The following LINGO1 variants were observed in gnomAD, a reference collection of about 807,000 sequenced individuals.
LINGO1 encodes leucine rich repeat and Ig domain containing 1, also known as leucine-rich repeat and immunoglobulin-like domain-containing nogo receptor-interacting protein 1.
A neutral mutation model predicts 37.3 loss-of-function variants in LINGO1; 11 were observed. That is an observed-to-expected ratio of 0.29 (90% confidence interval 0.19 to 0.49). The LOEUF (loss-of-function observed/expected upper bound fraction) is 0.49, where lower values mean the gene tolerates loss of function less well. Ranked by LOEUF, LINGO1 falls within the 20% of genes least tolerant of loss-of-function variation. LINGO1 has a pLI of 0.99. For synonymous variants in LINGO1, 387 were observed against 403.0 expected, an observed-to-expected ratio of 0.96 and a Z score of 0.48; for missense variants, 585 against 878.2, an observed-to-expected ratio of 0.67 and a Z score of 4.22.
chr15:77,669,441 T>C (rs1023354353), intron 3 of LINGO1, among the ~76,000 whole-genome samples: 1 of 152,028 alleles, frequency 6.6e-6, no homozygotes, highest in Non-Finnish European at 1.5e-5. Context: ...GTGTTTGTAG[T>C]CCCCTGAGTG....
chr15:77,657,213 C>A (rs145708311), intron 3 of LINGO1, among the ~76,000 whole-genome samples: 10 of 152,256 alleles, frequency 6.6e-5, no homozygotes, highest in African/African-American at 1.4e-4. Flanking sequence ...GACAGGGATG[C>A]CTGGGTCCCT....
intron 1 of LINGO1, among the ~76,000 whole-genome samples, chr15:77,777,456 TACACACACGCAC>T (rs1183564401): frequency 1.0e-4 from 7 of 68,304 alleles, no homozygotes; most frequent in African/African-American, 2.5e-4. Flanking sequence ...TTTGGACATA[TACACACACGCAC>T]ACACACACAC....
chr15:77,807,547 G>A (rs2076970198), intron 1 of LINGO1, among the ~76,000 whole-genome samples: 1 of 152,116 alleles, frequency 6.6e-6, no homozygotes, highest in Non-Finnish European at 1.5e-5. Context: ...GGCGCAAAGA[G>A]GCAAAAATGC....
intron 1 of LINGO1, among the ~76,000 whole-genome samples, chr15:77,753,115 G>A (rs2141369825): frequency 6.6e-6 from 1 of 152,342 alleles, no homozygotes; most frequent in Admixed American, 6.5e-5. Context: ...TGTTTCATGG[G>A]TCCCGCGTGC....
At chr15:77,803,143 C>G (rs548051555) in intron 1 of LINGO1, among the ~76,000 whole-genome samples, 1 of 152,224 alleles carries the variant, frequency 6.6e-6, no homozygotes, top group African/African-American at 2.4e-5. Context: ...GTACACCCAC[C>G]CTGTGCTCAC....
intron 3 of LINGO1, among the ~76,000 whole-genome samples, chr15:77,668,812 C>CAT (rs1169729024): frequency 5.1e-4 from 77 of 151,698 alleles, no homozygotes; most frequent in African/African-American, 1.6e-3. Flanking sequence ...CACACACACA[C>CAT]ACACACACAC....
intron 1 of LINGO1, among the ~76,000 whole-genome samples, chr15:77,761,330 A>C (rs976222110): frequency 6.6e-6 from 1 of 152,184 alleles, no homozygotes; most frequent in Non-Finnish European, 1.5e-5. Flanking sequence ...TTGTGAACAC[A>C]ATGCAAATTG....
chr15:77,667,257 A>G (rs2075151260), intron 3 of LINGO1, among the ~76,000 whole-genome samples: 1 of 152,032 alleles, frequency 6.6e-6, no homozygotes, highest in Non-Finnish European at 1.5e-5. Context: ...CCACTGGAGG[A>G]GCAGAGCATA....
At chr15:77,714,142 C>T (rs1413564670) in intron 2 of LINGO1, among the ~76,000 whole-genome samples, 1 of 152,182 alleles carries the variant, frequency 6.6e-6, no homozygotes, top group African/African-American at 2.4e-5. Flanking sequence ...TGCACCTCCA[C>T]ATCTCAGAGG....
At chr15:77,694,610 T>C (rs2075658923) in intron 1 of LINGO1, among the ~76,000 whole-genome samples, 1 of 152,180 alleles carries the variant, frequency 6.6e-6, no homozygotes, top group African/African-American at 2.4e-5. Flanking sequence ...GGTCTCAGCC[T>C]AGAAGATTTC....
At chr15:77,681,010 C>T (rs1210077220) in intron 2 of LINGO1, among the ~76,000 whole-genome samples, 1 of 152,162 alleles carries the variant, frequency 6.6e-6, no homozygotes, top group Non-Finnish European at 1.5e-5. Flanking sequence ...TTGATAAACG[C>T]CCCTGCGACT....
intron 1 of LINGO1, among the ~76,000 whole-genome samples, chr15:77,759,992 A>C (rs1413600473): frequency 6.6e-6 from 1 of 152,224 alleles, no homozygotes; most frequent in Non-Finnish European, 1.5e-5. Context: ...TGGCCCGGAA[A>C]TAAACTGCCA....
intron 3 of LINGO1, among the ~76,000 whole-genome samples, chr15:77,653,197 C>T (rs1366745947): frequency 2.0e-5 from 3 of 152,210 alleles, no homozygotes; most frequent in Admixed American, 2.0e-4. Flanking sequence ...CTCTGGATTC[C>T]AGGGGTCTTG....
At chr15:77,640,827 C>CTCATTCATTCATTCAT (rs55914213) in intron 3 of LINGO1, among the ~76,000 whole-genome samples, 109 of 150,598 alleles carry the variant, frequency 7.2e-4, no homozygotes, top group Middle Eastern at 3.4e-3. Flanking sequence ...CATTCATCTC[C>CTCATTCATTCATTCAT]TCATTCATTC....
At chr15:77,806,386 C>T (rs1445527569) in intron 1 of LINGO1, among the ~76,000 whole-genome samples, 2 of 152,098 alleles carry the variant, frequency 1.3e-5, no homozygotes, top group East Asian at 1.9e-4. Context: ...GGAGGAGAGG[C>T]GAGGAAGAGG....
upstream of LINGO1, among the ~76,000 whole-genome samples, chr15:77,634,542 T>G (rs1885347325): frequency 6.6e-6 from 1 of 152,136 alleles, no homozygotes; most frequent in Non-Finnish European, 1.5e-5. Flanking sequence ...TTCCAGGCTC[T>G]GCCCATGGTC....
At chr15:77,630,779 G>A (rs539405581) in intron 1 of LINGO1, among the ~76,000 whole-genome samples, 7 of 152,174 alleles carry the variant, frequency 4.6e-5, no homozygotes, top group East Asian at 1.9e-4. Context: ...CCCTGCCTTC[G>A]CTAAGCCCCT....
chr15:77,711,666 C>T (rs2075919154), intron 2 of LINGO1, among the ~76,000 whole-genome samples: 1 of 152,206 alleles, frequency 6.6e-6, no homozygotes, highest in Non-Finnish European at 1.5e-5. Context: ...TCCTCACATC[C>T]ACCTTGGGAG....
rs774831720 is a variant in LINGO1, at chr15:77,614,946, C to T, written c.961G>A (p.Gly321Arg). 6 of 1,613,820 alleles carry T rather than the reference C, an allele frequency of 3.7e-6. No homozygotes were observed. Among genetic ancestry groups the T allele is most frequent in the East Asian group, 2.2e-5 (1 of 44,842 alleles). Residue 321 changes from glycine (G) to arginine (R), a missense_variant, in exon 2 of 2, where the codon GGG becomes AGG. Physicochemically the swap from Gly to Arg is moderately radical, Grantham distance 125. Coordinates refer to ENST00000355300, the MANE Select transcript of LINGO1 (RefSeq NM_032808.7). ...LRLQEIQLVG[G>R]QLAVVEPYAF... The stretch of plus-strand genomic sequence containing the variant: ...TAGGGCTCCACCACGGCCAGCTGCC[C>T]GCCCACCAGCTGGATCTCCTGCAGC...
Sources: allele counts gnomAD v4.1 joint callset (sites outside exome capture counted in the v4.1 genomes callset), GRCh38; gene constraint gnomAD v4.1.1; transcripts MANE v1.5; gene names NCBI Gene and HGNC (gene_info 2026-07-23, HGNC 2026-07-21).